The following DCAF10 variants were observed in gnomAD, a reference collection of about 807,000 sequenced individuals.
The protein encoded by DCAF10 is DDB1 and CUL4 associated factor 10.
In DCAF10, 19 loss-of-function variants were observed where a neutral mutation model predicts 51.9. The observed-to-expected ratio is 0.37, with a 90% CI of 0.26 to 0.54. DCAF10 has a LOEUF of 0.54. Ranked by LOEUF, DCAF10 falls within the 20% of genes least tolerant of loss-of-function variation. The pLI is 0.87. For synonymous variants in DCAF10, 291 were observed against 297.1 expected (o/e 0.98, Z 0.21); for missense variants, 510 against 730.6 (o/e 0.70, Z 3.48).
chr9:37,825,970 G>A (rs979611110), intron 2 of DCAF10, among the ~76,000 whole-genome samples: 3 of 151,910 alleles, frequency 2.0e-5, no homozygotes, highest in South Asian at 4.2e-4. Context: ...AGGAGGTGGC[G>A]GCTGTAGTGA....
intron 1 of DCAF10, among the ~76,000 whole-genome samples, chr9:37,813,085 G>A (rs1014217425): frequency 3.3e-5 from 5 of 152,020 alleles, no homozygotes; most frequent in African/African-American, 9.7e-5. Context: ...TAGCATATGG[G>A]GAGATATCAA....
At chr9:37,847,253 C>CAAAAAAAAAAA in intron 3 of DCAF10, among the ~76,000 whole-genome samples, 1 of 32,952 alleles carries the variant, frequency 3.0e-5, no homozygotes, top group Non-Finnish European at 5.7e-5. Flanking sequence ...AACTCCATCT[C>CAAAAAAAAAAA]AAAAAAAAAA....
chr9:37,855,923 A>G (rs1258781691), intron 4 of DCAF10, among the ~76,000 whole-genome samples: 1 of 152,112 alleles, frequency 6.6e-6, no homozygotes, highest in African/African-American at 2.4e-5. Context: ...GACTGAGGTG[A>G]GCAGATCGCT....
At chr9:37,809,160 G>A (rs1208193603) in intron 1 of DCAF10, among the ~76,000 whole-genome samples, 1 of 151,550 alleles carries the variant, frequency 6.6e-6, no homozygotes, top group East Asian at 1.9e-4. Context: ...AAATTCATGG[G>A]TCAAAGGGGA....
chr9:37,818,851 C>T (rs1325408946), intron 1 of DCAF10, among the ~76,000 whole-genome samples: 2 of 152,196 alleles, frequency 1.3e-5, no homozygotes, highest in East Asian at 3.9e-4. Flanking sequence ...TACAGTATTT[C>T]AAAGTATTGT....
In DCAF10 at chr9:37,829,393, T is replaced by C. The variant is rs1485325606; in HGVS notation, c.653+9992T>C. On this transcript the variant is annotated intron_variant, in intron 2 of 6. Coordinates refer to ENST00000377724, the MANE Select transcript of DCAF10 (RefSeq NM_024345.5). The surrounding 1 kb of genome is among the most constrained non-coding windows in gnomAD (Gnocchi z 4.2). ...AGGCGGAGGTTGCGGTGAGCCAAGA[T>C]TGTGCCATTGCATTCCAGCCTGGGC... 1.3e-5 allele frequency among the ~76,000 whole-genome samples: 2 copies of C among 152,118 alleles called. No individual in the cohort carries two copies. The highest frequency in any genetic ancestry group is 1.3e-4 in the Admixed American group (2 of 15,264).
In DCAF10 at chr9:37,859,397, C is replaced by A. The variant is rs143753886; in HGVS notation, c.1166-651C>A. Among the ~76,000 whole-genome samples, 245 of 152,254 alleles carry A rather than the reference C, an allele frequency of 1.6e-3. 1 individual carries two copies. The highest frequency in any genetic ancestry group is 5.2e-3 in the African/African-American group (216 of 41,548). On this transcript the variant is annotated intron_variant, in intron 5 of 6. Transcript: ENST00000377724. ...TAACATATTCCTATTATTAACAGTG[C>A]CTTACTCCAGCAGTCATTTTCATTG...
Position 37,812,432 on chromosome 9 carries a change from T to TA in DCAF10, c.540-6854dup, listed in dbSNP as rs551417656. Among the ~76,000 whole-genome samples, 112 of 152,198 alleles carry TA rather than the reference T, an allele frequency of 7.4e-4. 2 individuals are homozygous for TA. The highest frequency in any genetic ancestry group is 2.0e-3 in the Admixed American group (31 of 15,282). ...TTCAAAGGAGGCTCAAAAAGAGAGC[T>TA]AAGTTCACTGCAGAAACAATGGAAG... On this transcript the variant is annotated intron_variant, in intron 1 of 6. Transcript: ENST00000377724.
Position 37,861,529 on chromosome 9 carries a change from G to A in DCAF10, c.*21G>A, listed in dbSNP as rs767224084. On this transcript the variant is annotated 3_prime_UTR_variant, in exon 7 of 7. Transcript: ENST00000377724. This position sits in a 1 kb window ranked among gnomAD's most constrained non-coding sequence, Gnocchi z 4.9. The stretch of plus-strand genomic sequence containing the variant: ...TTTAGGCACAACTTACATCAAATAA[G>A]GAACTCTTCTGGTGTTTGACTTAGG... 5.0e-6 allele frequency: 8 copies of A among 1,590,904 alleles called. 1 individual carries two copies. The South Asian group carries it at 8.9e-5, about 18-fold the overall frequency.
rs1192687574 is a variant in DCAF10 at position 37,864,269 on chromosome 9, G to A, written c.*2761G>A. ...CTATTGCACTCCACCCTGGGCAATA[G>A]AGCCAGATCCTGTCTCAAAAAATAA... On this transcript the variant is annotated 3_prime_UTR_variant, in exon 7 of 7. Coordinates refer to ENST00000377724, the MANE Select transcript of DCAF10 (RefSeq NM_024345.5). 6.6e-6 allele frequency: 1 copy of A among 151,168 alleles called. No homozygotes were observed. Among genetic ancestry groups the A allele is most frequent in the Admixed American group, 6.6e-5 (1 of 15,140 alleles). The allele number at this position is 151,168 out of a possible 1,614,324, so 9.4% of individuals were successfully genotyped here.
At chr9:37,820,593 A>C (rs1156629265) in intron 2 of DCAF10, among the ~76,000 whole-genome samples, 1 of 152,226 alleles carries the variant, frequency 6.6e-6, no homozygotes, top group Non-Finnish European at 1.5e-5. Context: ...TTGCTGAGTC[A>C]GTAACTGAAT....
intron 1 of DCAF10, among the ~76,000 whole-genome samples, chr9:37,816,659 G>GGGGGGTGTGTGTGT (rs372664140): frequency 4.3e-4 from 62 of 144,980 alleles, no homozygotes; most frequent in South Asian, 6.6e-4. Flanking sequence ...CTGCACCTGG[G>GGGGGGTGTGTGTGT]GTGTGTGTGT....
chr9:37,831,886 T>A (rs991302888), intron 2 of DCAF10, among the ~76,000 whole-genome samples: 1 of 151,716 alleles, frequency 6.6e-6, no homozygotes, highest in Non-Finnish European at 1.5e-5. Context: ...AGGCGGAGGC[T>A]GTAGTGACCC....
Position 37,861,004 on chromosome 9 carries a change from G to C in DCAF10, c.1312-136G>C. ...CTACAAGTTTTGTTAGTTGGGAGGG[G>C]GATAGCATTATTCTGAGTGATTTCT... is the stretch of plus-strand genomic sequence containing the variant. On this transcript the variant is annotated intron_variant, in intron 6 of 6. Coordinates refer to ENST00000377724, the MANE Select transcript of DCAF10 (RefSeq NM_024345.5). This position sits in a 1 kb window ranked among gnomAD's most constrained non-coding sequence, Gnocchi z 4.9. The C allele has an allele frequency of 8.1e-7, 1 of 1,228,498 alleles. No homozygotes were observed. Among genetic ancestry groups the C allele is most frequent in the Non-Finnish European group, 1.1e-6 (1 of 896,880 alleles). The allele number at this position is 1,228,498 out of a possible 1,614,324, so 76.1% of individuals were successfully genotyped here.
Position 37,823,156 on chromosome 9 carries a change from TAC to T in DCAF10, c.653+3757_653+3758del, listed in dbSNP as rs552148821. ...TGAAAGACAGGATTAATTGAGAGAT[TAC>T]AGTGTATAGTTATAGAAAAATATTG... is the stretch of plus-strand genomic sequence containing the variant. On this transcript the variant is annotated intron_variant, in intron 2 of 6. Coordinates refer to ENST00000377724, the MANE Select transcript of DCAF10 (RefSeq NM_024345.5). Among the ~76,000 whole-genome samples, 33 of 152,314 alleles carry T rather than the reference TAC, an allele frequency of 2.2e-4. No individual in the cohort carries two copies. The East Asian group carries it at 6.4e-3, about 29-fold the overall frequency.
In DCAF10 at chr9:37,837,961, G is replaced by A. The variant is rs1400661334; in HGVS notation, c.654-4128G>A. Among the ~76,000 whole-genome samples the A allele has an allele frequency of 2.0e-5, 3 of 151,756 alleles. No homozygotes were observed. In the East Asian group the frequency reaches 5.8e-4, roughly 29 times the overall value. ...GGTTGCTTGAGCCTGGGAGGTCAAG[G>A]CTGCAGTGAGCCATAATCATCACTG... On this transcript the variant is annotated intron_variant, in intron 2 of 6. Coordinates refer to ENST00000377724, the MANE Select transcript of DCAF10 (RefSeq NM_024345.5).
rs1274184135 is a variant in DCAF10 at position 37,853,302 on chromosome 9, A to C, written c.852-1478A>C. Among the ~76,000 whole-genome samples the C allele has an allele frequency of 6.2e-5, 9 of 145,372 alleles. No individual in the cohort carries two copies. The South Asian group carries it at 6.6e-4, about 11-fold the overall frequency. On this transcript the variant is annotated intron_variant, in intron 3 of 6. Transcript: ENST00000377724. ...GTGGTGCGTGCCTGTAATCCCAGCT[A>C]CTTGGGAGGCTGAGGCAGGAGAATC... is the stretch of plus-strand genomic sequence containing the variant.
chr9:37,829,929 G>A lies in DCAF10; in HGVS notation c.653+10528G>A, dbSNP rs1439412797. ...AGCTTAGGAGGAATGCTTGAGCCCAGGAGTTTGAGGCTGCAGGGAGCCATG... is the reference window on the plus strand; with the variant it reads ...AGCTTAGGAGGAATGCTTGAGCCCAAGAGTTTGAGGCTGCAGGGAGCCATG... On this transcript the variant is annotated intron_variant, in intron 2 of 6. Coordinates refer to ENST00000377724, the MANE Select transcript of DCAF10 (RefSeq NM_024345.5). The surrounding 1 kb of genome is among the most constrained non-coding windows in gnomAD (Gnocchi z 4.2). Among the ~76,000 whole-genome samples, 1 of 152,150 alleles carries A rather than the reference G, an allele frequency of 6.6e-6. No individual in the cohort carries two copies. The highest frequency in any genetic ancestry group is 2.4e-5 in the African/African-American group (1 of 41,424).
intron 5 of DCAF10, among the ~76,000 whole-genome samples, chr9:37,859,282 G>A (rs1390428684): frequency 6.6e-6 from 1 of 152,230 alleles, no homozygotes; most frequent in Non-Finnish European, 1.5e-5. Flanking sequence ...CACAGTCAGA[G>A]AAGTGTTGAA....
Sources: gnomAD v4.1 joint callset for allele counts (sites outside exome capture counted in the v4.1 genomes callset) on GRCh38, gnomAD v4.1.1 for gene constraint, Gnocchi (gnomAD v3.1) non-coding constraint, MANE v1.5 for transcripts, NCBI Gene and HGNC (gene_info 2026-07-23, HGNC 2026-07-21) for gene names.